B3GALT1: variants seen among roughly 807,000 people sequenced by gnomAD.
B3GALT1 encodes the protein UDP-Gal:betaGlcNAc beta 1,3-galactosyltransferase, polypeptide 1.
B3GALT1 carries 10 observed loss-of-function variants against 23.2 expected under a neutral mutation model. The ratio of observed to expected loss-of-function variants is 0.43; its 90% CI spans 0.27 to 0.73. The LOEUF is 0.73. Ranked by LOEUF, B3GALT1 falls within the 30% of genes least tolerant of loss-of-function variation. B3GALT1 has a pLI of 0.21. For missense variants in B3GALT1, 299 were observed against 405.4 expected (o/e 0.74, Z 2.25); for synonymous variants, 156 against 141.5 (o/e 1.10, Z -0.73).
chr2:167,840,278 C>T (rs1324442033), intron 4 of B3GALT1, among the ~76,000 whole-genome samples: 3 of 152,054 alleles, frequency 2.0e-5, no homozygotes, highest in Non-Finnish European at 4.4e-5. Context: ...GCCACCTACT[C>T]ATCTGACAAA....
chr2:167,476,586 C>T (rs572002010), intron 1 of B3GALT1, among the ~76,000 whole-genome samples: 67 of 152,132 alleles, frequency 4.4e-4, no homozygotes, highest in Admixed American at 4.1e-3. Flanking sequence ...GGAATTCTGT[C>T]GAATATTCAG....
At chr2:167,734,660 A>G (rs17643287) in intron 3 of B3GALT1, among the ~76,000 whole-genome samples, 26,326 of 152,022 alleles carry the variant, frequency 0.17, 2,483 homozygotes, top group East Asian at 0.26. Flanking sequence ...GAGGACAGAG[A>G]ATAAATTATG....
chr2:167,557,325 A>C (rs1338075672), intron 2 of B3GALT1, among the ~76,000 whole-genome samples: 1 of 152,166 alleles, frequency 6.6e-6, no homozygotes, highest in Non-Finnish European at 1.5e-5. Flanking sequence ...ATAAAAAGTT[A>C]TGGATATTTT....
intron 3 of B3GALT1, among the ~76,000 whole-genome samples, chr2:167,795,336 C>T (rs1287147955): frequency 1.3e-5 from 2 of 152,238 alleles, no homozygotes; most frequent in East Asian, 1.9e-4. Flanking sequence ...GACCACATAA[C>T]ACCAATGGTC....
At chr2:167,326,010 C>T (rs1344470559) in intron 1 of B3GALT1, among the ~76,000 whole-genome samples, 4 of 152,034 alleles carry the variant, frequency 2.6e-5, no homozygotes. Flanking sequence ...GCCAGTGTGC[C>T]AGGCCTTCCC....
At chr2:167,678,191 C>A (rs1176299718) in intron 3 of B3GALT1, among the ~76,000 whole-genome samples, 5 of 152,052 alleles carry the variant, frequency 3.3e-5, no homozygotes, top group Non-Finnish European at 7.4e-5. Context: ...TCTTTGTGTC[C>A]CCATTCCACA....
At chr2:167,728,193 G>C (rs1558961144) in intron 3 of B3GALT1, among the ~76,000 whole-genome samples, 1 of 152,184 alleles carries the variant, frequency 6.6e-6, no homozygotes, top group Non-Finnish European at 1.5e-5. Context: ...TTTGAGACCA[G>C]CCTGGCCAAC....
intron 2 of B3GALT1, among the ~76,000 whole-genome samples, chr2:167,575,895 C>T (rs1185503797): frequency 6.6e-6 from 1 of 151,696 alleles, no homozygotes; most frequent in African/African-American, 2.4e-5. Context: ...TTTCAATTTC[C>T]AGGGTACACA....
intron 1 of B3GALT1, among the ~76,000 whole-genome samples, chr2:167,299,547 T>C (rs1696412339): frequency 6.6e-6 from 1 of 152,184 alleles, no homozygotes; most frequent in African/African-American, 2.4e-5. Context: ...GAGTAATGCA[T>C]GTTGATTTCT....
At chr2:167,744,247 T>A (rs1189167630) in intron 3 of B3GALT1, among the ~76,000 whole-genome samples, 1 of 152,190 alleles carries the variant, frequency 6.6e-6, no homozygotes, top group African/African-American at 2.4e-5. Context: ...ATGGTATTGA[T>A]CAAATCTTTC....
chr2:167,668,791 C>G (rs1340059625), intron 3 of B3GALT1, among the ~76,000 whole-genome samples: 1 of 152,228 alleles, frequency 6.6e-6, no homozygotes, highest in Non-Finnish European at 1.5e-5. Flanking sequence ...GAGGCAATGC[C>G]TCGCCCTGCT....
intron 3 of B3GALT1, among the ~76,000 whole-genome samples, chr2:167,649,273 CCTT>C (rs1160715784): frequency 2.6e-5 from 4 of 152,058 alleles, no homozygotes; most frequent in South Asian, 4.1e-4. Context: ...CACAGAATTT[CCTT>C]CTTCTCTTGT....
intron 2 of B3GALT1, among the ~76,000 whole-genome samples, chr2:167,609,395 A>C (rs931202591): frequency 3.9e-4 from 60 of 152,202 alleles, no homozygotes; most frequent in African/African-American, 1.3e-3. Context: ...AGAAAAGCCA[A>C]CTTAAGCTGA....
intron 1 of B3GALT1, among the ~76,000 whole-genome samples, chr2:167,375,482 T>G (rs944571556): frequency 1.3e-5 from 2 of 152,150 alleles, no homozygotes; most frequent in Non-Finnish European, 2.9e-5. Context: ...TATGGAGTGT[T>G]TTTCCATTTG....
chr2:167,719,816 C>T (rs1007123941), intron 3 of B3GALT1, among the ~76,000 whole-genome samples: 4 of 152,050 alleles, frequency 2.6e-5, no homozygotes, highest in African/African-American at 9.7e-5. Flanking sequence ...CCTGTAATCC[C>T]AGCTACTCAG....
chr2:167,709,415 C>A (rs1352663040), intron 3 of B3GALT1, among the ~76,000 whole-genome samples: 3 of 152,152 alleles, frequency 2.0e-5, no homozygotes, highest in African/African-American at 7.2e-5. Context: ...AGAAATAAAC[C>A]TTTAATAAAA....
At chr2:167,856,804 T>C (rs573690638) in intron 4 of B3GALT1, among the ~76,000 whole-genome samples, 4 of 152,118 alleles carry the variant, frequency 2.6e-5, no homozygotes, top group African/African-American at 4.8e-5. Flanking sequence ...GAAAGCATGA[T>C]AGTAATTGGC....
chr2:167,793,416 C>T (rs1688480246), intron 3 of B3GALT1, among the ~76,000 whole-genome samples: 1 of 152,112 alleles, frequency 6.6e-6, no homozygotes, highest in Non-Finnish European at 1.5e-5. Flanking sequence ...GCTGGGTTCG[C>T]CCCGTCCTGG....
intron 1 of B3GALT1, among the ~76,000 whole-genome samples, chr2:167,470,650 C>T (rs180950309): frequency 6.6e-6 from 1 of 151,994 alleles, no homozygotes; most frequent in Non-Finnish European, 1.5e-5. Context: ...TTGAGATTGT[C>T]CCACCCCCAT....
Sources: gnomAD v4.1 joint callset for allele counts (sites outside exome capture counted in the v4.1 genomes callset) on GRCh38, gnomAD v4.1.1 for gene constraint, MANE v1.5 for transcripts, NCBI Gene and HGNC (gene_info 2026-07-23, HGNC 2026-07-21) for gene names.